The following GPC5 variants were observed in gnomAD, a reference collection of about 807,000 sequenced individuals.
GPC5 encodes the protein glypican-5.
In GPC5, 47 loss-of-function variants were observed where a neutral mutation model predicts 53.9. The ratio of observed to expected loss-of-function variants is 0.87; its 90% CI spans 0.69 to 1.11. GPC5 has a LOEUF of 1.11. Among genes scored for constraint, GPC5 ranks in the 50% most tolerant of loss-of-function variants. The pLI is 0.00. For missense variants in GPC5, 748 were observed against 713.1 expected (o/e 1.05, Z -0.56); for synonymous variants, 286 against 263.3 (o/e 1.09, Z -0.84).
chr13:91,442,527 G>C (rs1464062668), intron 1 of GPC5, among the ~76,000 whole-genome samples: 1 of 152,152 alleles, frequency 6.6e-6, no homozygotes, highest in African/African-American at 2.4e-5. Context: ...TAACATACCA[G>C]GTCTCCCTCC....
At chr13:92,376,992 G>A (rs2043700037) in intron 7 of GPC5, among the ~76,000 whole-genome samples, 1 of 151,596 alleles carries the variant, frequency 6.6e-6, no homozygotes, top group Non-Finnish European at 1.5e-5. Context: ...TCCAGCCTGG[G>A]TGACCGAGTG....
At chr13:92,765,274 C>A (rs1329290278) in intron 7 of GPC5, among the ~76,000 whole-genome samples, 2 of 152,246 alleles carry the variant, frequency 1.3e-5, no homozygotes, top group Non-Finnish European at 1.5e-5. Flanking sequence ...AGAACAGATT[C>A]ATGGCTGCTT....
chr13:91,624,574 T>C (rs2033950074), intron 2 of GPC5, among the ~76,000 whole-genome samples: 1 of 152,110 alleles, frequency 6.6e-6, no homozygotes, highest in African/African-American at 2.4e-5. Flanking sequence ...TAGAAATGTG[T>C]ACTTTAAAGT....
intron 2 of GPC5, among the ~76,000 whole-genome samples, chr13:91,662,110 G>A (rs1030723803): frequency 3.9e-5 from 6 of 152,148 alleles, no homozygotes; most frequent in Admixed American, 3.3e-4. Flanking sequence ...GAGTGAAACA[G>A]AGGGAAGAAG....
intron 2 of GPC5, 50 bp from the exon 3 acceptor site, chr13:91,693,137 T>A (rs1362102856): frequency 5.3e-6 from 7 of 1,325,058 alleles, no homozygotes; most frequent in Non-Finnish European, 7.5e-6. Context: ...ATGGACGGTG[T>A]TAGCATGAAT....
At chr13:91,974,407 C>CA (rs1204021046) in intron 6 of GPC5, among the ~76,000 whole-genome samples, 2 of 152,036 alleles carry the variant, frequency 1.3e-5, no homozygotes, top group Non-Finnish European at 2.9e-5. Flanking sequence ...AGCTGATAAG[C>CA]AACTTCAGCA....
At chr13:91,577,856 T>C (rs1419934833) in intron 2 of GPC5, among the ~76,000 whole-genome samples, 1 of 152,250 alleles carries the variant, frequency 6.6e-6, no homozygotes, top group East Asian at 1.9e-4. Flanking sequence ...GTTTAAAATA[T>C]GTCCACAGAT....
intron 6 of GPC5, among the ~76,000 whole-genome samples, chr13:92,084,469 T>C (rs1324156833): frequency 6.6e-6 from 1 of 152,230 alleles, no homozygotes; most frequent in Non-Finnish European, 1.5e-5. Flanking sequence ...GAGTCTGGGC[T>C]CTGGCCCTAC....
At chr13:92,838,198 T>G (rs1243703607) in intron 7 of GPC5, among the ~76,000 whole-genome samples, 1 of 151,306 alleles carries the variant, frequency 6.6e-6, no homozygotes, top group African/African-American at 2.4e-5. Flanking sequence ...AAAGTAAACC[T>G]ACTCGGCCAG....
rs964758731 is a variant in GPC5, at chr13:91,852,412, T to C, written c.1281-55525T>C. Among the ~76,000 whole-genome samples the C allele has an allele frequency of 3.9e-5, 6 of 151,988 alleles. No individual in the cohort carries two copies. In the East Asian group the frequency reaches 1.2e-3, roughly 29 times the overall value. On this transcript the variant is annotated intron_variant, in intron 5 of 7. Transcript: ENST00000377067. Reference sequence around the variant, plus strand: ...GAGCTTTCATTTCCTATGATAATAGTACCTTCTTTAAAAATACTTCTGGAA... The same window carrying C: ...GAGCTTTCATTTCCTATGATAATAGCACCTTCTTTAAAAATACTTCTGGAA...
intron 7 of GPC5, among the ~76,000 whole-genome samples, chr13:92,548,285 A>G (rs1882196630): frequency 1.3e-5 from 2 of 151,876 alleles, no homozygotes; most frequent in Admixed American, 6.6e-5. Flanking sequence ...AGAAAATAAA[A>G]TATTTAAAGT....
At chr13:92,667,200 C>G (rs1240957959) in intron 7 of GPC5, among the ~76,000 whole-genome samples, 3 of 152,048 alleles carry the variant, frequency 2.0e-5, no homozygotes, top group Admixed American at 1.3e-4. Flanking sequence ...GCATGTGTGT[C>G]TGTGTGTGTA....
At chr13:92,327,018 T>C (rs954040278) in intron 7 of GPC5, among the ~76,000 whole-genome samples, 2 of 152,126 alleles carry the variant, frequency 1.3e-5, no homozygotes, top group Non-Finnish European at 2.9e-5. Context: ...TGAGCTAATC[T>C]GTTTCAGGGT....
intron 2 of GPC5, among the ~76,000 whole-genome samples, chr13:91,479,902 TG>T (rs1240425479): frequency 1.3e-5 from 2 of 152,208 alleles, no homozygotes; most frequent in Non-Finnish European, 2.9e-5. Flanking sequence ...TAAAATTTAA[TG>T]GTAAAAACTT....
At chr13:92,321,463 T>G (rs528483673) in intron 7 of GPC5, among the ~76,000 whole-genome samples, 1 of 152,110 alleles carries the variant, frequency 6.6e-6, no homozygotes, top group South Asian at 2.1e-4. Context: ...TGGTGGCACA[T>G]GCCTCTAATC....
rs539709494 is a variant in GPC5, at chr13:92,404,897, G to A, written c.1561+259908G>A. Among the ~76,000 whole-genome samples, 3 of 150,328 alleles carry A rather than the reference G, an allele frequency of 2.0e-5. No individual in the cohort carries two copies. The East Asian group carries it at 5.8e-4, about 29-fold the overall frequency. On this transcript the variant is annotated intron_variant, in intron 7 of 7. Coordinates refer to ENST00000377067, the MANE Select transcript of GPC5 (RefSeq NM_004466.6). ...ACATCAAGGATAATATACTGTAAAT[G>A]TATAGACAATCCTCACTTAACATTG...
intron 5 of GPC5, among the ~76,000 whole-genome samples, chr13:91,788,644 C>A (rs557782499): frequency 1.3e-5 from 2 of 152,150 alleles, no homozygotes; most frequent in East Asian, 3.9e-4. Flanking sequence ...CAAAAGATAT[C>A]ATTTTTGAGG....
intron 6 of GPC5, among the ~76,000 whole-genome samples, chr13:92,144,266 G>A (rs2041850642): frequency 6.6e-6 from 1 of 152,126 alleles, no homozygotes; most frequent in South Asian, 2.1e-4. Flanking sequence ...AATGGATGTA[G>A]GACCTAAGTC....
chr13:91,920,746 C>T (rs2039703314), intron 6 of GPC5, among the ~76,000 whole-genome samples: 2 of 152,074 alleles, frequency 1.3e-5, no homozygotes, highest in South Asian at 2.1e-4. Context: ...AGCAGGAATA[C>T]TAGAAGACAA....
Sources: allele counts gnomAD v4.1 joint callset (sites outside exome capture counted in the v4.1 genomes callset), GRCh38; gene constraint gnomAD v4.1.1; transcripts MANE v1.5; gene names NCBI Gene and HGNC (gene_info 2026-07-23, HGNC 2026-07-21).